The following TASP1 variants were observed in gnomAD, a reference collection of about 807,000 sequenced individuals.
TASP1 encodes threonine aspartase 1.
TASP1 carries 16 observed loss-of-function variants against 56.6 expected under a neutral mutation model. The observed-to-expected ratio is 0.28, with a 90% confidence interval of 0.19 to 0.43. TASP1 has a LOEUF of 0.43. Among genes scored for constraint, TASP1 ranks in the 20% least tolerant of loss-of-function variants. The probability of loss-of-function intolerance (pLI) is 1.00; values close to 1 mark genes in which losing one functional copy is unlikely to be tolerated. For missense variants in TASP1, 393 were observed against 511.6 expected (o/e 0.77, Z 2.24); for synonymous variants, 179 against 184.2 (o/e 0.97, Z 0.23).
chr20:13,296,403 G>C, the TASP1 span, among the ~76,000 whole-genome samples: 3 of 152,206 alleles, frequency 2.0e-5, no homozygotes, highest in Non-Finnish European at 2.9e-5. Flanking sequence ...ACTCAGTAAG[G>C]AGAGGATTTA....
chr20:13,442,063 C>T (rs2043232416), intron 11 of TASP1, among the ~76,000 whole-genome samples: 1 of 152,096 alleles, frequency 6.6e-6, no homozygotes, highest in African/African-American at 2.4e-5. Flanking sequence ...ATCATTTGTA[C>T]TTCCCAAACT....
intron 10 of TASP1, among the ~76,000 whole-genome samples, chr20:13,506,311 C>T (rs1158778456): frequency 2.0e-5 from 3 of 152,078 alleles, no homozygotes; most frequent in Non-Finnish European, 4.4e-5. Flanking sequence ...TGAGTTCTAC[C>T]AAACATTTAA....
chr20:13,393,712 G>T (rs2041383680), intron 13 of TASP1: 1 of 976,136 alleles, frequency 1.0e-6, no homozygotes, highest in African/African-American at 1.6e-5. Flanking sequence ...AGCATGAAAG[G>T]AAGAGAGAGG....
At chr20:13,448,203 C>A (rs1451839277) in intron 11 of TASP1, among the ~76,000 whole-genome samples, 2 of 152,036 alleles carry the variant, frequency 1.3e-5, no homozygotes, top group Admixed American at 1.3e-4. Flanking sequence ...AATGGTCAGC[C>A]AATTGCCCAA....
chr20:13,539,521 G>A (rs1317451969), intron 8 of TASP1, among the ~76,000 whole-genome samples: 2 of 152,150 alleles, frequency 1.3e-5, no homozygotes, highest in Admixed American at 6.6e-5. Context: ...CTGCACTCCA[G>A]TCAGGACAAC....
At chr20:13,537,165 A>G (rs1171601268) in intron 8 of TASP1, among the ~76,000 whole-genome samples, 1 of 152,186 alleles carries the variant, frequency 6.6e-6, no homozygotes, top group Non-Finnish European at 1.5e-5. Flanking sequence ...GAGAACTGTT[A>G]TACCTAACCA....
intron 4 of TASP1, among the ~76,000 whole-genome samples, chr20:13,605,399 A>G (rs768577387): frequency 7.3e-4 from 111 of 152,242 alleles, no homozygotes; most frequent in Non-Finnish European, 1.2e-3. Flanking sequence ...ATCAGCCTAT[A>G]TACTAACTTG....
At chr20:13,573,964 T>G (rs2046808522) in intron 6 of TASP1, among the ~76,000 whole-genome samples, 1 of 152,136 alleles carries the variant, frequency 6.6e-6, no homozygotes, top group Admixed American at 6.5e-5. Context: ...AGAGGCCATG[T>G]AGCCAGAGTT....
intron 11 of TASP1, among the ~76,000 whole-genome samples, chr20:13,478,268 T>C (rs1366316294): frequency 6.6e-6 from 1 of 152,078 alleles, no homozygotes; most frequent in Non-Finnish European, 1.5e-5. Flanking sequence ...CTCGTATGTG[T>C]ACCACAGCAC....
chr20:13,348,058 G>T, the TASP1 span, among the ~76,000 whole-genome samples: 1 of 152,098 alleles, frequency 6.6e-6, no homozygotes, highest in Non-Finnish European at 1.5e-5. Flanking sequence ...TGTACCAACA[G>T]GATTAGGGAT....
chr20:13,331,673 CTT>C, the TASP1 span, among the ~76,000 whole-genome samples: 4 of 131,416 alleles, frequency 3.0e-5, no homozygotes, highest in Admixed American at 7.5e-5. Context: ...TTTTTTGTGG[CTT>C]TTTTTTTTTT....
the TASP1 span, among the ~76,000 whole-genome samples, chr20:13,255,313 G>A: frequency 0.061 from 9,335 of 152,218 alleles, 405 homozygotes; most frequent in Middle Eastern, 0.13. Context: ...AGTAATAAGG[G>A]ACTTGAAGAT....
chr20:13,532,306 A>T (rs2045252860), intron 9 of TASP1, among the ~76,000 whole-genome samples: 1 of 152,250 alleles, frequency 6.6e-6, no homozygotes, highest in South Asian at 2.1e-4. Flanking sequence ...ATACATTAAA[A>T]GTATCTAGTT....
the TASP1 span, among the ~76,000 whole-genome samples, chr20:13,230,711 G>A: frequency 0.23 from 33,818 of 150,280 alleles, 3,822 homozygotes; most frequent in South Asian, 0.29. Context: ...ATTATATGTA[G>A]TGAGTTCAAA....
intron 4 of TASP1, among the ~76,000 whole-genome samples, chr20:13,588,298 GAAGGAAGGAAGA>G (rs1267994759): frequency 4.4e-4 from 57 of 130,100 alleles, no homozygotes; most frequent in African/African-American, 1.5e-3. Flanking sequence ...AGGAAGGAAG[GAAGGAAGGAAGA>G]GAAAGAAAAG....
At chr20:13,462,454 T>C (rs1326804603) in intron 11 of TASP1, among the ~76,000 whole-genome samples, 1 of 152,208 alleles carries the variant, frequency 6.6e-6, no homozygotes, top group African/African-American at 2.4e-5. Flanking sequence ...ACATTGATTT[T>C]GATAGTAGTT....
At chr20:13,471,631 C>T (rs1335112050) in intron 11 of TASP1, among the ~76,000 whole-genome samples, 2 of 152,146 alleles carry the variant, frequency 1.3e-5, no homozygotes, top group African/African-American at 4.8e-5. Context: ...ATTAGTACCT[C>T]ATCTCCAAGG....
chr20:13,480,188 A>G (rs922980732), intron 11 of TASP1, among the ~76,000 whole-genome samples: 6 of 152,206 alleles, frequency 3.9e-5, no homozygotes. Flanking sequence ...TAGCATGGCA[A>G]AAGCATTTAG....
At chr20:13,328,220 T>C in the TASP1 span, among the ~76,000 whole-genome samples, 5 of 152,312 alleles carry the variant, frequency 3.3e-5, no homozygotes, top group Non-Finnish European at 7.4e-5. Flanking sequence ...TCAACATCCC[T>C]GATCATTAGA....
Sources: allele counts gnomAD v4.1 joint callset (sites outside exome capture counted in the v4.1 genomes callset), GRCh38; gene constraint gnomAD v4.1.1; transcripts MANE v1.5; gene names NCBI Gene and HGNC (gene_info 2026-07-23, HGNC 2026-07-21).